KCND3: variants seen among roughly 807,000 people sequenced by gnomAD.
The protein encoded by KCND3 is potassium voltage-gated channel subfamily D member 3.
A neutral mutation model predicts 51.1 loss-of-function variants in KCND3; 9 were observed. The ratio of observed to expected loss-of-function variants is 0.18; its 90% CI spans 0.11 to 0.31. The LOEUF is 0.31. KCND3 is among the 10% of genes least tolerant of loss of function. The probability of loss-of-function intolerance (pLI) is 1.00; values close to 1 mark genes in which losing one functional copy is unlikely to be tolerated. For synonymous variants in KCND3, 349 were observed against 368.0 expected, an observed-to-expected ratio of 0.95 and a Z score of 0.59; for missense variants, 526 against 903.8, an observed-to-expected ratio of 0.58 and a Z score of 5.36.
At chr1:111,910,338 C>T (rs1670874040) in intron 2 of KCND3, 1 of 152,226 alleles carries the variant, frequency 6.6e-6, no homozygotes, top group Non-Finnish European at 1.5e-5. Context: ...TTTCAAGGCT[C>T]ATATCAAGAA....
intron 7 of KCND3, among the ~76,000 whole-genome samples, chr1:111,776,620 G>A (rs1378111088): frequency 2.0e-5 from 3 of 152,112 alleles, no homozygotes; most frequent in Non-Finnish European, 2.9e-5. Context: ...CAGAGGGGGA[G>A]GGAAAAGTCA....
intron 2 of KCND3, among the ~76,000 whole-genome samples, chr1:111,919,762 T>C (rs1671393448): frequency 1.3e-5 from 2 of 152,158 alleles, no homozygotes; most frequent in South Asian, 4.1e-4. Context: ...TCAGCAACAC[T>C]CTTACCACAG....
chr1:111,909,010 TA>T (rs1190950539), intron 2 of KCND3, among the ~76,000 whole-genome samples: 1 of 147,236 alleles, frequency 6.8e-6, no homozygotes, highest in Non-Finnish European at 1.5e-5. Flanking sequence ...TGGCAAGTAA[TA>T]AACAGTTTCT....
intron 2 of KCND3, among the ~76,000 whole-genome samples, chr1:111,788,874 A>G (rs1469338523): frequency 6.6e-6 from 1 of 152,206 alleles, no homozygotes; most frequent in African/African-American, 2.4e-5. Flanking sequence ...TCATAATCCT[A>G]TTGTGACATA....
chr1:111,930,398 G>C lies in KCND3; in HGVS notation c.1106+51223C>G, dbSNP rs563633206. ...GAACTGGCGTCTTCATCCGTGGCTGGGAAAGCATTCATTCAGGTTCTCTCT... is the reference window on the plus strand; with the variant it reads ...GAACTGGCGTCTTCATCCGTGGCTGCGAAAGCATTCATTCAGGTTCTCTCT... On this transcript the variant is annotated intron_variant, in intron 2 of 7. Transcript: ENST00000302127. 1.3e-4 allele frequency among the ~76,000 whole-genome samples: 20 copies of C among 152,358 alleles called. No homozygotes were observed. In the South Asian group the frequency reaches 3.9e-3, roughly 30 times the overall value.
intron 2 of KCND3, among the ~76,000 whole-genome samples, chr1:111,931,632 G>A (rs990938725): frequency 2.0e-5 from 3 of 152,136 alleles, no homozygotes; most frequent in African/African-American, 7.2e-5. Context: ...GGAGTAAGAC[G>A]GTAACTACTT....
intron 2 of KCND3, among the ~76,000 whole-genome samples, chr1:111,926,379 C>T (rs1260410187): frequency 6.6e-6 from 1 of 152,224 alleles, no homozygotes; most frequent in Non-Finnish European, 1.5e-5. Flanking sequence ...CCATAGCCAA[C>T]CTCTTATTAA....
At position 111,825,925 on chromosome 1, in the gene KCND3, C is replaced by T. The variant is rs969701784; in HGVS notation, c.1107-38819G>A. Among the ~76,000 whole-genome samples the T allele has an allele frequency of 5.3e-5, 8 of 152,200 alleles. No individual in the cohort carries two copies. The South Asian group carries it at 1.0e-3, about 20-fold the overall frequency. On this transcript the variant is annotated intron_variant, in intron 2 of 7. Transcript: ENST00000302127. ...TGACTCTCCTGAGTGCCATATCCCA[C>T]GTGCAGTGTTTGAATGAGACTATTT...
chr1:111,956,356 C>T (rs562949760), intron 2 of KCND3, among the ~76,000 whole-genome samples: 5 of 152,284 alleles, frequency 3.3e-5, no homozygotes, highest in Admixed American at 2.0e-4. Context: ...TTCCGGAGCC[C>T]GAGGGGGCAA....
chr1:111,915,091 T>C (rs2101823962), intron 2 of KCND3, among the ~76,000 whole-genome samples: 1 of 152,214 alleles, frequency 6.6e-6, no homozygotes, highest in Admixed American at 6.5e-5. Context: ...ATATTTTAAA[T>C]CATAGAGCAA....
chr1:111,947,521 GA>G (rs752954566), intron 2 of KCND3, among the ~76,000 whole-genome samples: 5 of 152,348 alleles, frequency 3.3e-5, no homozygotes, highest in Admixed American at 6.5e-5. Flanking sequence ...CAGACTTGGA[GA>G]GGTTAAATTA....
intron 2 of KCND3, among the ~76,000 whole-genome samples, chr1:111,789,559 G>C (rs1255190862): frequency 1.3e-5 from 2 of 152,192 alleles, no homozygotes; most frequent in African/African-American, 2.4e-5. Context: ...ATTACCAAGA[G>C]ACTAGAGATG....
At chr1:111,781,982 T>G (rs1051436070) in intron 3 of KCND3, among the ~76,000 whole-genome samples, 1 of 152,222 alleles carries the variant, frequency 6.6e-6, no homozygotes, top group Non-Finnish European at 1.5e-5. Flanking sequence ...TAAATCTATT[T>G]ACAGCCCCAG....
intron 3 of KCND3, among the ~76,000 whole-genome samples, chr1:111,782,075 A>C (rs1415025824): frequency 6.6e-6 from 1 of 152,150 alleles, no homozygotes; most frequent in Non-Finnish European, 1.5e-5. Context: ...GGCTCTGAGC[A>C]AGTCCACATG....
At chr1:111,921,624 C>A (rs1369022436) in intron 2 of KCND3, among the ~76,000 whole-genome samples, 1 of 152,144 alleles carries the variant, frequency 6.6e-6, no homozygotes, top group Non-Finnish European at 1.5e-5. Flanking sequence ...TCTCTTCCCA[C>A]CTTTAGGTCT....
At chr1:111,868,295 C>A (rs551355447) in intron 2 of KCND3, among the ~76,000 whole-genome samples, 40 of 152,340 alleles carry the variant, frequency 2.6e-4, no homozygotes, top group African/African-American at 9.1e-4. Context: ...GCTGTCCACG[C>A]TACCTGCCAG....
chr1:111,802,942 T>C (rs1665385323), intron 2 of KCND3, among the ~76,000 whole-genome samples: 1 of 152,230 alleles, frequency 6.6e-6, no homozygotes, highest in Admixed American at 6.5e-5. Context: ...GTATTTCTTC[T>C]GCTTTGGAAG....
chr1:111,894,245 G>T (rs557930252), intron 2 of KCND3, among the ~76,000 whole-genome samples: 2 of 152,062 alleles, frequency 1.3e-5, no homozygotes, highest in African/African-American at 2.4e-5. Context: ...TCTCAAACAC[G>T]CCAGGCTCAT....
intron 2 of KCND3, among the ~76,000 whole-genome samples, chr1:111,958,515 C>G (rs573664846): frequency 2.0e-5 from 3 of 152,204 alleles, no homozygotes; most frequent in Non-Finnish European, 4.4e-5. Context: ...AACTAGGGAG[C>G]AGGAAGCGGC....
Sources: gnomAD v4.1 joint callset for allele counts (sites outside exome capture counted in the v4.1 genomes callset) on GRCh38, gnomAD v4.1.1 for gene constraint, MANE v1.5 for transcripts, NCBI Gene and HGNC (gene_info 2026-07-23, HGNC 2026-07-21) for gene names.